MYO1E: variants seen among roughly 807,000 people sequenced by gnomAD.
MYO1E encodes the protein myosin IE.
Under a neutral mutation model 151.1 loss-of-function variants are expected in MYO1E, and 68 were observed. The observed-to-expected ratio is 0.45, with a 90% CI of 0.37 to 0.55. The LOEUF is 0.55. MYO1E is among the 20% of genes least tolerant of loss of function. MYO1E has a pLI of 0.00. For synonymous variants in MYO1E, 601 were observed against 501.7 expected, an observed-to-expected ratio of 1.20 and a Z score of -2.64; for missense variants, 1,363 against 1,389.3, an observed-to-expected ratio of 0.98 and a Z score of 0.30.
intron 16 of MYO1E, among the ~76,000 whole-genome samples, chr15:59,195,794 C>G (rs1274915584): frequency 6.6e-6 from 1 of 152,154 alleles, no homozygotes; most frequent in Non-Finnish European, 1.5e-5. Flanking sequence ...TCTTCAAAAG[C>G]AACTAGGCAT....
At position 59,372,534 on chromosome 15, in the gene MYO1E, TC is replaced by T; in HGVS notation, c.-35del. On this transcript the variant is annotated 5_prime_UTR_variant, in exon 1 of 28. Transcript: ENST00000288235. ...GCGCCGCGGTCGCGTCTTCGCCGGG[TC>T]CCGCTGCCGGGGAACTGGGGCTGGA... 1 of 1,535,148 alleles carries T rather than the reference TC, an allele frequency of 6.5e-7. No individual in the cohort carries two copies. The highest frequency in any genetic ancestry group is 1.4e-5 in the African/African-American group (1 of 72,744).
intron 18 of MYO1E, among the ~76,000 whole-genome samples, chr15:59,185,542 T>G (rs532504628): frequency 1.3e-5 from 2 of 152,098 alleles, no homozygotes; most frequent in African/African-American, 4.8e-5. Flanking sequence ...GCTGGGATTA[T>G]AGGTGTGAGC....
chr15:59,214,613 A>C, intron 11 of MYO1E, 27 bp downstream of exon 11: 1 of 1,555,284 alleles, frequency 6.4e-7, no homozygotes, highest in Non-Finnish European at 8.9e-7. Flanking sequence ...ACCCTCCTCA[A>C]CCCCTAGTTA....
intron 1 of MYO1E, among the ~76,000 whole-genome samples, chr15:59,287,389 T>A (rs1326065968): frequency 6.6e-6 from 1 of 152,092 alleles, no homozygotes; most frequent in Non-Finnish European, 1.5e-5. Flanking sequence ...TGCTGCCACC[T>A]CCCCAGCCCC....
chr15:59,280,954 A>C (rs932928878), intron 1 of MYO1E, among the ~76,000 whole-genome samples: 1 of 152,156 alleles, frequency 6.6e-6, no homozygotes, highest in Non-Finnish European at 1.5e-5. Flanking sequence ...TTTGTTGCAG[A>C]AATTTTTGTA....
chr15:59,239,113 G>C (rs1334478732), intron 4 of MYO1E, among the ~76,000 whole-genome samples: 1 of 151,388 alleles, frequency 6.6e-6, no homozygotes, highest in East Asian at 2.0e-4. Context: ...GGCTGAGGCA[G>C]GAGAATCTCT....
intron 1 of MYO1E, among the ~76,000 whole-genome samples, chr15:59,367,180 C>A (rs963986116): frequency 6.6e-6 from 1 of 152,132 alleles, no homozygotes; most frequent in Non-Finnish European, 1.5e-5. Context: ...AATAATAAGG[C>A]CCCACACTTG....
intron 1 of MYO1E, among the ~76,000 whole-genome samples, chr15:59,369,498 G>A (rs1483379689): frequency 6.6e-6 from 1 of 152,216 alleles, no homozygotes; most frequent in Non-Finnish European, 1.5e-5. Context: ...TTCCTTTGCA[G>A]ATGATGATAA....
chr15:59,243,341 T>C (rs1289946908), intron 4 of MYO1E, among the ~76,000 whole-genome samples: 7 of 152,276 alleles, frequency 4.6e-5, no homozygotes, highest in South Asian at 2.1e-4. Flanking sequence ...GCTATGATAA[T>C]TGGAGGTACG....
At chr15:59,280,367 G>A (rs1269999782) in intron 1 of MYO1E, among the ~76,000 whole-genome samples, 1 of 152,174 alleles carries the variant, frequency 6.6e-6, no homozygotes, top group Non-Finnish European at 1.5e-5. Flanking sequence ...GCTCATGCCT[G>A]TAATCCCAGC....
intron 1 of MYO1E, among the ~76,000 whole-genome samples, chr15:59,286,579 T>C (rs1199159279): frequency 6.6e-6 from 1 of 151,956 alleles, no homozygotes; most frequent in African/African-American, 2.4e-5. Context: ...GGTCTGGATG[T>C]GATCAGGGGT....
intron 1 of MYO1E, among the ~76,000 whole-genome samples, chr15:59,282,405 G>A (rs1411995767): frequency 6.6e-6 from 1 of 152,182 alleles, no homozygotes; most frequent in Non-Finnish European, 1.5e-5. Context: ...TTGAGGCTGA[G>A]CAGGAAATTC....
chr15:59,164,168 T>G (rs2079552386), intron 22 of MYO1E, among the ~76,000 whole-genome samples: 1 of 152,134 alleles, frequency 6.6e-6, no homozygotes, highest in Non-Finnish European at 1.5e-5. Context: ...CTAGGCTTGG[T>G]AGAAAGCAAC....
Position 59,132,641 on chromosome 15 carries a change from T to G in MYO1E, c.*4739A>C, listed in dbSNP as rs1404831883. The G allele has an allele frequency of 1.3e-5, 2 of 152,180 alleles. No individual in the cohort carries two copies. The highest frequency in any genetic ancestry group is 2.9e-5 in the Non-Finnish European group (2 of 68,034). 9.4% of individuals were successfully genotyped at this position (152,180 alleles called of 1,614,324 possible). A position where few individuals can be genotyped will look rare whatever the true frequency, so the allele number is the denominator to read the frequency against. ...CGGAAATTAAAAATGAGATGATGTATCCATAGTATAGAAGAGCACTAACTC... is the reference window on the plus strand; with the variant it reads ...CGGAAATTAAAAATGAGATGATGTAGCCATAGTATAGAAGAGCACTAACTC... On this transcript the variant is annotated 3_prime_UTR_variant, in exon 28 of 28. Coordinates refer to ENST00000288235, the MANE Select transcript of MYO1E (RefSeq NM_004998.4).
intron 5 of MYO1E, among the ~76,000 whole-genome samples, chr15:59,235,040 G>C (rs1030208488): frequency 1.4e-4 from 21 of 152,192 alleles, no homozygotes; most frequent in African/African-American, 4.6e-4. Context: ...CCATGGCTCT[G>C]GGGAGCAGGC....
chr15:59,236,609 C>A lies in MYO1E; in HGVS notation c.396G>T (p.Val132=). ...CCTGGACTTTGGTCCCTCCTCCAGA[C>A]ACTCTGGAGATGTAGCTCATGATAT... ...AKYIMSYISR[V]SGGGTKVQHV... Residue 132 remains valine, a synonymous_variant, in exon 5 of 28, where the codon GTG becomes GTT. Coordinates refer to ENST00000288235, the MANE Select transcript of MYO1E (RefSeq NM_004998.4). 6.2e-7 allele frequency: 1 copy of A among 1,613,788 alleles called. No homozygotes were observed. The highest frequency in any genetic ancestry group is 8.5e-7 in the Non-Finnish European group (1 of 1,179,748).
At chr15:59,315,717 A>G (rs1240289535) in intron 1 of MYO1E, among the ~76,000 whole-genome samples, 1 of 152,216 alleles carries the variant, frequency 6.6e-6, no homozygotes, top group African/African-American at 2.4e-5. Context: ...TGCAATGATT[A>G]GTTAAAATGA....
At chr15:59,202,545 G>A (rs1359544990) in intron 15 of MYO1E, 138 bp from the exon 16 acceptor site, 3 of 748,898 alleles carry the variant, frequency 4.0e-6, no homozygotes, top group Non-Finnish European at 7.0e-6. Context: ...GACTCACAGC[G>A]CGGGCCATCA....
At chr15:59,226,799 A>G (rs775980051) in intron 7 of MYO1E, among the ~76,000 whole-genome samples, 3 of 152,176 alleles carry the variant, frequency 2.0e-5, no homozygotes, top group Non-Finnish European at 2.9e-5. Context: ...AGAGCAAGAC[A>G]CTGTCTCAAA....
Sources: gnomAD v4.1 joint callset for allele counts (sites outside exome capture counted in the v4.1 genomes callset) on GRCh38, gnomAD v4.1.1 for gene constraint, MANE v1.5 for transcripts, NCBI Gene and HGNC (gene_info 2026-07-23, HGNC 2026-07-21) for gene names.